Variants in SPACDR observed in about 807,000 individuals in gnomAD.
The protein encoded by SPACDR is sperm acrosome developmental regulator.
the SPACDR span, among the ~76,000 whole-genome samples, chr7:100,461,402 G>A: frequency 3.9e-4 from 59 of 151,844 alleles, no homozygotes; most frequent in Admixed American, 1.4e-3. Context: ...TCAGCCTCCC[G>A]AATAGCTGGG....
the SPACDR span, among the ~76,000 whole-genome samples, chr7:100,457,803 A>ATATATGTGTGTG: frequency 1.4e-5 from 1 of 72,588 alleles, no homozygotes; most frequent in East Asian, 6.4e-4. Context: ...ATATATATAT[A>ATATATGTGTGTG]TGTGTGTGTG....
the SPACDR span, chr7:100,456,723 C>T: frequency 2.0e-6 from 3 of 1,489,122 alleles, no homozygotes; most frequent in Non-Finnish European, 2.7e-6. Flanking sequence ...AGAGTGAGGT[C>T]AGGACTCTCT....
chr7:100,464,250 G>A, the SPACDR span: 1 of 1,418,820 alleles, frequency 7.0e-7, no homozygotes. Flanking sequence ...AGGGAGAGGA[G>A]TCGAAGTAGG....
At chr7:100,457,992 TTTTTG>T in the SPACDR span, among the ~76,000 whole-genome samples, 1 of 151,636 alleles carries the variant, frequency 6.6e-6, no homozygotes, top group Non-Finnish European at 1.5e-5. Context: ...TTAAACTGTT[TTTTTG>T]TTTTGTTTTG....
At chr7:100,460,275 G>A in the SPACDR span, among the ~76,000 whole-genome samples, 77 of 151,708 alleles carry the variant, frequency 5.1e-4, no homozygotes, top group East Asian at 0.014. Flanking sequence ...TATGATAACT[G>A]CGTGGTTAGT....
chr7:100,457,056 CATAG>C, the SPACDR span: 1 of 1,069,812 alleles, frequency 9.3e-7, no homozygotes, highest in Non-Finnish European at 1.3e-6. Flanking sequence ...TAGAACGACC[CATAG>C]ATAAACAGCA....
At chr7:100,463,466 T>C in the SPACDR span, 1 of 1,613,840 alleles carries the variant, frequency 6.2e-7, no homozygotes, top group African/African-American at 1.3e-5. Context: ...TTGGCCCTGT[T>C]GGCCCAGCTC....
chr7:100,456,744 G>T, the SPACDR span: 79 of 1,582,830 alleles, frequency 5.0e-5, 1 homozygote, highest in Non-Finnish European at 6.7e-5. Context: ...AAGGGTCTGG[G>T]GTTCCCCCTA....
At chr7:100,463,020 C>A in the SPACDR span, among the ~76,000 whole-genome samples, 7 of 150,192 alleles carry the variant, frequency 4.7e-5, no homozygotes, top group African/African-American at 1.7e-4. Context: ...AGGAGAATAG[C>A]TTAAACCGGG....
At chr7:100,463,299 C>T in the SPACDR span, 1 of 1,319,528 alleles carries the variant, frequency 7.6e-7, no homozygotes, top group Non-Finnish European at 1.0e-6. Context: ...AACAAGTAAT[C>T]AGAGGGAGGG....
At chr7:100,457,799 ATATATGTGTGTGTGTG>A in the SPACDR span, among the ~76,000 whole-genome samples, 3 of 45,790 alleles carry the variant, frequency 6.6e-5, no homozygotes, top group African/African-American at 9.0e-5. Context: ...TTTTATATAT[ATATATGTGTGTGTGTG>A]TGTGTGTGTG....
chr7:100,464,024 ATC>A, the SPACDR span: 1 of 1,455,906 alleles, frequency 6.9e-7, no homozygotes, highest in Non-Finnish European at 9.2e-7. Context: ...GACCACAACC[ATC>A]TCTCTTGATG....
chr7:100,460,573 G>C, the SPACDR span, among the ~76,000 whole-genome samples: 1 of 151,452 alleles, frequency 6.6e-6, no homozygotes, highest in African/African-American at 2.4e-5. Flanking sequence ...CTATGTGAGA[G>C]AGTGAGACTC....
chr7:100,463,399 A>G, the SPACDR span: 6 of 1,611,780 alleles, frequency 3.7e-6, no homozygotes, highest in Non-Finnish European at 5.1e-6. Context: ...TCTGCAGGGC[A>G]GAGACCATGA....
the SPACDR span, among the ~76,000 whole-genome samples, chr7:100,461,813 C>T: frequency 6.6e-6 from 1 of 151,776 alleles, no homozygotes; most frequent in Non-Finnish European, 1.5e-5. Context: ...CACAGTGAAA[C>T]CCTGCCTCTA....
chr7:100,463,253 C>A, the SPACDR span: 1 of 889,996 alleles, frequency 1.1e-6, no homozygotes, highest in Non-Finnish European at 1.7e-6. Flanking sequence ...GGATTACAGG[C>A]GTGAGTCACT....
chr7:100,463,577 C>T, the SPACDR span: 1 of 1,614,004 alleles, frequency 6.2e-7, no homozygotes, highest in Non-Finnish European at 8.5e-7. Flanking sequence ...CTCGACCAAC[C>T]TCAAAGTCTC....
the SPACDR span, chr7:100,463,620 A>T: frequency 6.2e-7 from 1 of 1,613,934 alleles, no homozygotes; most frequent in Non-Finnish European, 8.5e-7. Context: ...ATCTTCTTCA[A>T]TGAGTGTTTC....
At chr7:100,461,102 G>A in the SPACDR span, among the ~76,000 whole-genome samples, 5 of 151,578 alleles carry the variant, frequency 3.3e-5, no homozygotes, top group Non-Finnish European at 5.9e-5. Flanking sequence ...CTGTTTGTTT[G>A]AGACAGACTC....
Sources: allele counts gnomAD v4.1 joint callset (sites outside exome capture counted in the v4.1 genomes callset), GRCh38; gene constraint gnomAD v4.1.1; transcripts MANE v1.5; gene names NCBI Gene and HGNC (gene_info 2026-07-23, HGNC 2026-07-21).